The following DDX60 variants were observed in gnomAD, a reference collection of about 807,000 sequenced individuals.
DDX60 encodes DExD/H-box helicase 60.
Under a neutral mutation model 212.8 loss-of-function variants are expected in DDX60, and 165 were observed. The ratio of observed to expected loss-of-function variants is 0.78; its 90% CI spans 0.68 to 0.88. The LOEUF (loss-of-function observed/expected upper bound fraction) is 0.88, where lower values mean the gene tolerates loss of function less well. Ranked by LOEUF, DDX60 falls within the 40% of genes least tolerant of loss-of-function variation. The pLI is 0.00. For synonymous variants in DDX60, 703 were observed against 685.3 expected, an observed-to-expected ratio of 1.03 and a Z score of -0.40; for missense variants, 1,905 against 2,003.9, an observed-to-expected ratio of 0.95 and a Z score of 0.94.
intron 37 of DDX60, among the ~76,000 whole-genome samples, chr4:168,219,127 C>CAA (rs111466077): frequency 2.3e-5 from 3 of 132,446 alleles, no homozygotes; most frequent in South Asian, 2.5e-4. Context: ...ACTAAAATAC[C>CAA]AAAAAAAAAA....
At chr4:168,258,095 T>G (rs952941360) in intron 25 of DDX60, among the ~76,000 whole-genome samples, 4 of 152,230 alleles carry the variant, frequency 2.6e-5, no homozygotes, top group African/African-American at 9.6e-5. Context: ...CTTCATGCTC[T>G]CTCAGCTCCA....
chr4:168,244,238 C>T (rs551324225), intron 30 of DDX60, among the ~76,000 whole-genome samples: 1 of 152,010 alleles, frequency 6.6e-6, no homozygotes, highest in East Asian at 1.9e-4. Context: ...TGCACATGTG[C>T]CTCAGAACTT....
intron 37 of DDX60, chr4:168,220,448 T>C: frequency 2.5e-6 from 1 of 407,634 alleles, no homozygotes; most frequent in Non-Finnish European, 4.4e-6. Flanking sequence ...TCATCTCAAC[T>C]AGACATTGGA....
At chr4:168,259,633 G>C (rs1734545450) in intron 25 of DDX60, among the ~76,000 whole-genome samples, 1 of 150,822 alleles carries the variant, frequency 6.6e-6, no homozygotes, top group South Asian at 2.1e-4. Flanking sequence ...GCTTGAAATT[G>C]CCCAAAGTAA....
At chr4:168,297,382 GAGAAAGAAAGAAAGAAAGA>G (rs1736444471) in intron 6 of DDX60, among the ~76,000 whole-genome samples, 1 of 39,908 alleles carries the variant, frequency 2.5e-5, no homozygotes, top group Non-Finnish European at 4.3e-5. Flanking sequence ...AAGAAAGAAA[GAGAAAGAAAGAAAGAAAGA>G]AAGACAATAA....
chr4:168,219,245 C>T (rs973070692), intron 37 of DDX60, among the ~76,000 whole-genome samples: 1 of 151,156 alleles, frequency 6.6e-6, no homozygotes, highest in Non-Finnish European at 1.5e-5. Context: ...GAGCCGAGAT[C>T]GCAACACTTC....
intron 33 of DDX60, among the ~76,000 whole-genome samples, chr4:168,227,837 T>C (rs1464860264): frequency 6.6e-6 from 1 of 152,140 alleles, no homozygotes; most frequent in East Asian, 1.9e-4. Flanking sequence ...TATAAATTAA[T>C]TTTTTAACTT....
chr4:168,322,829 A>G (rs367586703), upstream of DDX60, among the ~76,000 whole-genome samples: 22 of 152,348 alleles, frequency 1.4e-4, no homozygotes, highest in East Asian at 1.5e-3. Flanking sequence ...GGAACTCAGG[A>G]GCAAAGTGAA....
intron 33 of DDX60, among the ~76,000 whole-genome samples, chr4:168,227,386 A>G (rs1733294867): frequency 6.6e-6 from 1 of 152,034 alleles, no homozygotes; most frequent in Non-Finnish European, 1.5e-5. Context: ...GCTCTTTGCG[A>G]TGTCTAAAAT....
chr4:168,221,735 A>C lies in DDX60; in HGVS notation c.4971T>G (p.Asp1657Glu). ...KHGSLIGLVQ[D>E]NRMNEGDAYY... is the part of the protein sequence containing the mutation. Reference sequence around the variant, plus strand: ...GACAGACAGAGAGGACATACCTGTTATCCTGGACTAATCCTATCAAGGAAC... The same window carrying C: ...GACAGACAGAGAGGACATACCTGTTCTCCTGGACTAATCCTATCAAGGAAC... Residue 1657 changes from aspartate to glutamate, a missense_variant, in exon 36 of 38, where the codon GAT becomes GAG. Coordinates refer to ENST00000393743, the MANE Select transcript of DDX60 (RefSeq NM_017631.6). 6.2e-7 allele frequency: 1 copy of C among 1,610,428 alleles called. No homozygotes were observed. The highest frequency in any genetic ancestry group is 8.5e-7 in the Non-Finnish European group (1 of 1,177,230).
rs538006739 is a variant in DDX60 at position 168,237,336 on chromosome 4, C to T, written c.4361G>A (p.Ser1454Asn). ...ATGGAAGAGTCCATTTACAAGAAAA[C>T]TGACAAAAACAAGATTAGAAGGTTC... is the stretch of plus-strand genomic sequence containing the variant. ...YHEPSNLVFVSFLVNGLFHDL... is the reference protein window; with the variant it reads ...YHEPSNLVFVNFLVNGLFHDL... The change falls in exon 32 of 38, where the codon AGT (serine) becomes AAT (asparagine). Residue 1454 changes from serine (S) to asparagine (N), a missense_variant. Transcript: ENST00000393743. 24 of 1,591,804 alleles carry T rather than the reference C, an allele frequency of 1.5e-5. No individual in the cohort carries two copies. The South Asian group carries it at 2.5e-4, about 17-fold the overall frequency.
chr4:168,299,038 G>A (rs1736531110), intron 6 of DDX60, among the ~76,000 whole-genome samples: 2 of 151,598 alleles, frequency 1.3e-5, no homozygotes, highest in East Asian at 1.9e-4. Flanking sequence ...GCATGAGCCT[G>A]TAGTCCCAGC....
chr4:168,236,619 A>G (rs1293241542), intron 32 of DDX60, among the ~76,000 whole-genome samples: 1 of 151,816 alleles, frequency 6.6e-6, no homozygotes, highest in Non-Finnish European at 1.5e-5. Flanking sequence ...CCTTACCTAG[A>G]TTTTCCTCCC....
At chr4:168,246,108 A>G (rs12499520) in intron 30 of DDX60, among the ~76,000 whole-genome samples, 8,839 of 152,166 alleles carry the variant, frequency 0.058, 435 homozygotes, top group East Asian at 0.15. Flanking sequence ...TCTATTAGTC[A>G]CCTAGAGCTT....
chr4:168,276,266 C>T, intron 14 of DDX60, 85 bp from the exon 15 acceptor site: 1 of 1,136,958 alleles, frequency 8.8e-7, no homozygotes, highest in Admixed American at 2.5e-5. Flanking sequence ...ATCTAGATGG[C>T]CTCACTATCT....
upstream of DDX60, among the ~76,000 whole-genome samples, chr4:168,319,709 T>C (rs1201453960): frequency 6.6e-6 from 1 of 152,180 alleles, no homozygotes; most frequent in Non-Finnish European, 1.5e-5. Flanking sequence ...GCTATAAATA[T>C]GCATTCATAT....
intron 1 of DDX60, among the ~76,000 whole-genome samples, chr4:168,316,329 A>G (rs1021083916): frequency 6.6e-6 from 1 of 152,210 alleles, no homozygotes; most frequent in African/African-American, 2.4e-5. Flanking sequence ...CTGTTGACTC[A>G]ACATACAAAC....
chr4:168,270,707 G>C (rs1560843519), intron 19 of DDX60, among the ~76,000 whole-genome samples: 1 of 152,078 alleles, frequency 6.6e-6, no homozygotes, highest in Non-Finnish European at 1.5e-5. Context: ...CAAATCCAAA[G>C]CACAGCCTAT....
chr4:168,296,682 A>G (rs1271396999), intron 6 of DDX60, among the ~76,000 whole-genome samples: 1 of 152,108 alleles, frequency 6.6e-6, no homozygotes, highest in Non-Finnish European at 1.5e-5. Flanking sequence ...ATTAAAATGA[A>G]AAGAAAGTAC....
Sources: gnomAD v4.1 joint callset for allele counts (sites outside exome capture counted in the v4.1 genomes callset) on GRCh38, gnomAD v4.1.1 for gene constraint, MANE v1.5 for transcripts, NCBI Gene and HGNC (gene_info 2026-07-23, HGNC 2026-07-21) for gene names.